Variants in DMRT1 observed in about 807,000 individuals in gnomAD.
The protein encoded by DMRT1 is doublesex- and mab-3-related transcription factor 1.
Under a neutral mutation model 32.3 loss-of-function variants are expected in DMRT1, and 7 were observed. That is an observed-to-expected ratio of 0.22 (90% CI 0.12 to 0.41). DMRT1 has a LOEUF of 0.41. Among genes scored for constraint, DMRT1 ranks in the 10% least tolerant of loss-of-function variants. DMRT1 has a pLI of 1.00. For missense variants in DMRT1, 625 were observed against 500.5 expected (o/e 1.25, Z -2.37); for synonymous variants, 278 against 206.1 (o/e 1.35, Z -2.99).
Position 965,918 on chromosome 9 carries a change from A to G in DMRT1, c.968-2067A>G, listed in dbSNP as rs571101245. ...TCAGTGAATGGTTTGAGGGTGAAAT[A>G]CCTCACTAAAGTATGTGTGTGGCAT... On this transcript the variant is annotated intron_variant, in intron 4 of 4. Coordinates refer to ENST00000382276, the MANE Select transcript of DMRT1 (RefSeq NM_021951.3). The surrounding 1 kb of genome is among the most constrained non-coding windows in gnomAD (Gnocchi z 4.5). Among the ~76,000 whole-genome samples the G allele has an allele frequency of 1.3e-5, 2 of 152,224 alleles. No individual in the cohort carries two copies. Among genetic ancestry groups the G allele is most frequent in the East Asian group, 3.9e-4 (2 of 5,186 alleles).
rs929295859 is a variant in DMRT1 at position 897,278 on chromosome 9, A to AT, written c.822+3092dup. 6.5e-4 allele frequency among the ~76,000 whole-genome samples: 98 copies of AT among 149,662 alleles called. No homozygotes were observed. In the South Asian group the frequency reaches 7.7e-3, roughly 12 times the overall value. ...CAGGCACGTGCCATCACGCGTGGCTATTTTTTTTTCTGTATTTTTAGCAGA... is the reference window on the plus strand; with the variant it reads ...CAGGCACGTGCCATCACGCGTGGCTATTTTTTTTTTCTGTATTTTTAGCAGA... On this transcript the variant is annotated intron_variant, in intron 3 of 4. Coordinates refer to ENST00000382276, the MANE Select transcript of DMRT1 (RefSeq NM_021951.3).
intron 3 of DMRT1, among the ~76,000 whole-genome samples, chr9:910,791 A>G (rs1369468240): frequency 2.0e-5 from 3 of 152,126 alleles, no homozygotes; most frequent in Non-Finnish European, 2.9e-5. Flanking sequence ...GTAATAACGT[A>G]TAAAACATGC....
rs73639437 is a variant in DMRT1 at position 849,371 on chromosome 9, A to G, written c.538+2228A>G. Among the ~76,000 whole-genome samples, 709 of 152,342 alleles carry G rather than the reference A, an allele frequency of 4.7e-3. 4 individuals are homozygous for G. Among genetic ancestry groups the G allele is most frequent in the African/African-American group, 0.015 (634 of 41,572 alleles). On this transcript the variant is annotated intron_variant, in intron 2 of 4. Coordinates refer to ENST00000382276, the MANE Select transcript of DMRT1 (RefSeq NM_021951.3). ...AATGTTAGGTGAAAAAGTCCCTGCCATTCTATCTTGGCAGAGAAGACAGCA... is the reference window on the plus strand; with the variant it reads ...AATGTTAGGTGAAAAAGTCCCTGCCGTTCTATCTTGGCAGAGAAGACAGCA...
At chr9:956,091 TA>T (rs1178506463) in intron 4 of DMRT1, among the ~76,000 whole-genome samples, 6 of 152,222 alleles carry the variant, frequency 3.9e-5, no homozygotes, top group Non-Finnish European at 7.3e-5. Flanking sequence ...ATTTCGTCTT[TA>T]AAAGGAAGGA....
At chr9:936,773 CT>C (rs1818900685) in intron 4 of DMRT1, among the ~76,000 whole-genome samples, 1 of 145,046 alleles carries the variant, frequency 6.9e-6, no homozygotes, top group African/African-American at 2.6e-5. Flanking sequence ...AAAAAAAAGT[CT>C]TCTTCAAGGA....
chr9:883,669 G>A (rs1189793389), intron 2 of DMRT1, among the ~76,000 whole-genome samples: 2 of 151,100 alleles, frequency 1.3e-5, no homozygotes, highest in Non-Finnish European at 3.0e-5. Flanking sequence ...GCGTGCCCCT[G>A]TAGTCCCAGA....
chr9:918,032 C>A (rs973235071), intron 4 of DMRT1, among the ~76,000 whole-genome samples: 15 of 152,148 alleles, frequency 9.9e-5, no homozygotes, highest in African/African-American at 3.6e-4. Context: ...TTTCATACTG[C>A]TTTTGAGTCT....
intron 4 of DMRT1, among the ~76,000 whole-genome samples, chr9:922,070 G>A (rs115057215): frequency 0.01 from 1,573 of 151,984 alleles, 29 homozygotes; most frequent in African/African-American, 0.036. Flanking sequence ...TGTAGAAACA[G>A]AGTTTTGCCA....
intron 4 of DMRT1, among the ~76,000 whole-genome samples, chr9:947,552 C>T (rs901786847): frequency 1.3e-5 from 2 of 152,112 alleles, no homozygotes; most frequent in East Asian, 1.9e-4. Context: ...TGGAGATTGG[C>T]GAAATCATAA....
At chr9:934,345 C>G (rs902233007) in intron 4 of DMRT1, among the ~76,000 whole-genome samples, 1 of 152,096 alleles carries the variant, frequency 6.6e-6, no homozygotes, top group African/African-American at 2.4e-5. Flanking sequence ...GTTTCTTCTT[C>G]TGTTGCCTGT....
At chr9:874,512 T>C (rs1227799118) in intron 2 of DMRT1, among the ~76,000 whole-genome samples, 1 of 152,216 alleles carries the variant, frequency 6.6e-6, no homozygotes, top group Non-Finnish European at 1.5e-5. Context: ...AAGCCTTAAA[T>C]ACATGTCTGT....
chr9:871,434 G>A (rs563765935), intron 2 of DMRT1, among the ~76,000 whole-genome samples: 18 of 148,890 alleles, frequency 1.2e-4, no homozygotes, highest in East Asian at 9.9e-4. Context: ...CCGGGTTCAC[G>A]CCATTCTCCT....
At chr9:892,259 C>G (rs1224432290) in intron 2 of DMRT1, among the ~76,000 whole-genome samples, 1 of 152,182 alleles carries the variant, frequency 6.6e-6, no homozygotes, top group East Asian at 1.9e-4. Flanking sequence ...TTTTCACGCT[C>G]CAGGTCTTGG....
intron 4 of DMRT1, among the ~76,000 whole-genome samples, chr9:951,046 T>A (rs1173820167): frequency 6.6e-6 from 1 of 152,196 alleles, no homozygotes; most frequent in Non-Finnish European, 1.5e-5. Flanking sequence ...TTTCTCTCAA[T>A]TTTATCTGAT....
chr9:846,812 C>T, intron 1 of DMRT1, 148 bp from the exon 2 acceptor site: 1 of 957,426 alleles, frequency 1.0e-6, no homozygotes, highest in Non-Finnish European at 1.6e-6. Context: ...ATCATAGTTA[C>T]CTGGGTGGGT....
intron 4 of DMRT1, among the ~76,000 whole-genome samples, chr9:962,244 AG>A (rs778210165): frequency 4.5e-4 from 69 of 152,156 alleles, no homozygotes; most frequent in Non-Finnish European, 9.4e-4. Context: ...CACCTCTGAG[AG>A]GGTTTAGGAA....
At chr9:852,869 C>A (rs983675849) in intron 2 of DMRT1, among the ~76,000 whole-genome samples, 1 of 152,178 alleles carries the variant, frequency 6.6e-6, no homozygotes, top group East Asian at 1.9e-4. Flanking sequence ...GCCTTTCCTT[C>A]ACTTTTCTTC....
chr9:878,410 T>C (rs1160722409), intron 2 of DMRT1, among the ~76,000 whole-genome samples: 1 of 152,016 alleles, frequency 6.6e-6, no homozygotes, highest in African/African-American at 2.4e-5. Context: ...CAGTAAGCAG[T>C]TGTTGCTTTC....
intron 4 of DMRT1, among the ~76,000 whole-genome samples, chr9:921,376 T>A (rs1818348425): frequency 1.3e-5 from 2 of 152,248 alleles, no homozygotes; most frequent in African/African-American, 4.8e-5. Flanking sequence ...TACCACATTT[T>A]GTTTAGCCGT....
Sources: gnomAD v4.1 joint callset for allele counts (sites outside exome capture counted in the v4.1 genomes callset) on GRCh38, gnomAD v4.1.1 for gene constraint, Gnocchi (gnomAD v3.1) non-coding constraint, MANE v1.5 for transcripts, NCBI Gene and HGNC (gene_info 2026-07-23, HGNC 2026-07-21) for gene names.